Variants in MTRF1 observed in about 807,000 individuals in gnomAD.
MTRF1 encodes peptide chain release factor 1, mitochondrial.
MTRF1 carries 51 observed loss-of-function variants against 62.9 expected under a neutral mutation model. The ratio of observed to expected loss-of-function variants is 0.81; its 90% CI spans 0.65 to 1.02. The LOEUF (loss-of-function observed/expected upper bound fraction) is 1.02. Among genes scored for constraint, MTRF1 ranks in the 50% least tolerant of loss-of-function variants. MTRF1 has a pLI of 0.00. For missense variants in MTRF1, 446 were observed against 530.0 expected, an observed-to-expected ratio of 0.84 and a Z score of 1.56; for synonymous variants, 158 against 181.9, an observed-to-expected ratio of 0.87 and a Z score of 1.06.
chr13:41,236,120 G>GT (rs397757094), intron 6 of MTRF1: 72,315 of 146,684 alleles, frequency 0.49, 19,115 homozygotes, highest in South Asian at 0.62. Flanking sequence ...GTTTTTTTTG[G>GT]TTTTTTTTTG....
At chr13:41,249,308 G>A (rs1461888555) in intron 5 of MTRF1, among the ~76,000 whole-genome samples, 5 of 152,250 alleles carry the variant, frequency 3.3e-5, no homozygotes, top group East Asian at 1.9e-4. Flanking sequence ...TTGGGAGGCC[G>A]AGGTGGGTGG....
chr13:41,279,462 A>C, the MTRF1 span, among the ~76,000 whole-genome samples: 1 of 152,288 alleles, frequency 6.6e-6, no homozygotes, highest in African/African-American at 2.4e-5. Context: ...ACCAATTGCC[A>C]ATCAGAAAAT....
At chr13:41,226,048 A>G (rs993520738) in intron 8 of MTRF1, among the ~76,000 whole-genome samples, 2 of 152,050 alleles carry the variant, frequency 1.3e-5, no homozygotes, top group Non-Finnish European at 2.9e-5. Context: ...TTGCAGTGCC[A>G]TTTGTATTTG....
chr13:41,244,739 TAC>T (rs989030723), intron 5 of MTRF1, among the ~76,000 whole-genome samples: 30 of 152,132 alleles, frequency 2.0e-4, no homozygotes, highest in Non-Finnish European at 5.9e-5. Context: ...GGTATCTGCT[TAC>T]AACTACATGA....
In MTRF1 at chr13:41,220,602, AT is replaced by A. The variant is rs1285345464; in HGVS notation, c.1224+2653del. Reference sequence around the variant, plus strand: ...CAGAATCCAAGGATAGGAATGTGGAATGTGCAGGGTCACGACTACCACCCGT... The same window carrying A: ...CAGAATCCAAGGATAGGAATGTGGAAGTGCAGGGTCACGACTACCACCCGT... On this transcript the variant is annotated intron_variant, in intron 9 of 9. Transcript: ENST00000379480. 3 of 1,288,876 alleles carry A rather than the reference AT, an allele frequency of 2.3e-6. No homozygotes were observed. In the South Asian group the frequency reaches 3.7e-5, roughly 16 times the overall value. The allele number at this position is 1,288,876 out of a possible 1,614,324, so 79.8% of individuals were successfully genotyped here. A position where few individuals can be genotyped will look rare whatever the true frequency, so the allele number is the denominator to read the frequency against.
At chr13:41,263,670 C>G (rs2040721071), upstream of MTRF1, 1 of 161,586 alleles carries the variant, frequency 6.2e-6, no homozygotes. Flanking sequence ...CTCGAGCATG[C>G]CTAACAATGG....
the MTRF1 span, among the ~76,000 whole-genome samples, chr13:41,283,869 G>T: frequency 1.3e-5 from 2 of 151,926 alleles, no homozygotes; most frequent in Non-Finnish European, 2.9e-5. Context: ...GAGCCACCGC[G>T]CCCGGCCTCT....
intron 5 of MTRF1, among the ~76,000 whole-genome samples, chr13:41,241,127 C>T (rs898368312): frequency 6.6e-5 from 10 of 152,166 alleles, no homozygotes; most frequent in Admixed American, 2.6e-4. Flanking sequence ...TCGCTACAAC[C>T]TCTGCCTCCT....
chr13:41,220,109 C>A (rs1357622615), intron 9 of MTRF1, among the ~76,000 whole-genome samples: 1 of 151,140 alleles, frequency 6.6e-6, no homozygotes, highest in Non-Finnish European at 1.5e-5. Context: ...GGGTGGATCA[C>A]TTGAGGCCAG....
At chr13:41,257,178 A>G (rs936576543) in intron 2 of MTRF1, among the ~76,000 whole-genome samples, 32 of 152,210 alleles carry the variant, frequency 2.1e-4, no homozygotes, top group African/African-American at 7.7e-4. Context: ...AGAATATGCA[A>G]AGAGAATTAA....
rs560435524 is a variant in MTRF1, at chr13:41,253,659, A to G, written c.508-629T>C. ...AAAAGGTTTTTCAAATCAAAGTAAA[A>G]GTACCTATGTGTCATGACTGTCCCT... On this transcript the variant is annotated intron_variant, in intron 3 of 9. Coordinates refer to ENST00000379480, the MANE Select transcript of MTRF1 (RefSeq NM_004294.4). 2.6e-5 allele frequency among the ~76,000 whole-genome samples: 4 copies of G among 152,342 alleles called. No individual in the cohort carries two copies. The South Asian group carries it at 8.3e-4, about 32-fold the overall frequency.
intron 9 of MTRF1, among the ~76,000 whole-genome samples, chr13:41,218,213 T>C (rs1017504348): frequency 6.6e-6 from 1 of 151,378 alleles, no homozygotes; most frequent in Non-Finnish European, 1.5e-5. Flanking sequence ...CCTCCTGGGC[T>C]CAAGCAATCC....
intron 7 of MTRF1, 79 bp from the exon 8 acceptor site, chr13:41,226,647 C>G (rs2034480941): frequency 1.4e-6 from 2 of 1,467,200 alleles, no homozygotes; most frequent in South Asian, 1.2e-5. Context: ...TTAAATGAGA[C>G]AGGTTAATCA....
the MTRF1 span, among the ~76,000 whole-genome samples, chr13:41,278,902 G>C: frequency 0.015 from 2,220 of 152,296 alleles, 22 homozygotes; most frequent in Middle Eastern, 0.031. Flanking sequence ...ATGATGGGAA[G>C]GGGGAGCTGA....
At chr13:41,292,546 A>T in the MTRF1 span, among the ~76,000 whole-genome samples, 2 of 144,752 alleles carry the variant, frequency 1.4e-5, no homozygotes, top group Admixed American at 7.2e-5. Flanking sequence ...ACGCCACTGC[A>T]CTCCAGCCTG....
upstream of MTRF1, among the ~76,000 whole-genome samples, chr13:41,265,447 G>C (rs2040818562): frequency 6.6e-6 from 1 of 151,618 alleles, no homozygotes; most frequent in African/African-American, 2.4e-5. Context: ...TAGTCTTACT[G>C]CTATGGACTG....
the MTRF1 span, among the ~76,000 whole-genome samples, chr13:41,308,334 C>A: frequency 5.9e-5 from 9 of 152,140 alleles, no homozygotes; most frequent in African/African-American, 2.2e-4. Flanking sequence ...TGAAATAGGT[C>A]TAGAAAAGTC....
chr13:41,231,593 C>T (rs1006676503), intron 7 of MTRF1, among the ~76,000 whole-genome samples: 3 of 152,192 alleles, frequency 2.0e-5, no homozygotes, highest in African/African-American at 7.2e-5. Flanking sequence ...CAGATATAGA[C>T]ATCTGGGGGT....
rs997547540 is a variant in MTRF1, at chr13:41,263,477, G to A, written c.-9+8C>T. The A allele has an allele frequency of 1.9e-5, 6 of 321,586 alleles. No homozygotes were observed. The highest frequency in any genetic ancestry group is 1.3e-4 in the African/African-American group (6 of 46,066). The allele number at this position is 321,586 out of a possible 1,614,324, so 19.9% of individuals were successfully genotyped here. On this transcript the variant is annotated splice_region_variant and intron_variant, in intron 1 of 9. Coordinates refer to ENST00000379480, the MANE Select transcript of MTRF1 (RefSeq NM_004294.4). The stretch of plus-strand genomic sequence containing the variant: ...CGGCGGGGAAGATCAGGAAAGAACT[G>A]TGAGTACCTAAGAAAAAGAAGAATA...
Sources: allele counts gnomAD v4.1 joint callset (sites outside exome capture counted in the v4.1 genomes callset), GRCh38; gene constraint gnomAD v4.1.1; transcripts MANE v1.5; gene names NCBI Gene and HGNC (gene_info 2026-07-23, HGNC 2026-07-21).